Variants in SP140 observed in about 807,000 individuals in gnomAD.
The protein encoded by SP140 is SP140 nuclear body protein, also known as nuclear body protein SP140.
SP140 carries 81 observed loss-of-function variants against 125.0 expected under a neutral mutation model. The ratio of observed to expected loss-of-function variants is 0.65; its 90% CI spans 0.54 to 0.78. SP140 has a LOEUF of 0.78. Among genes scored for constraint, SP140 ranks in the 30% least tolerant of loss-of-function variants. The probability of loss-of-function intolerance (pLI) is 0.00; values close to 1 mark genes in which losing one functional copy is unlikely to be tolerated. For missense variants in SP140, 858 were observed against 1,037.0 expected (o/e 0.83, Z 2.37); for synonymous variants, 312 against 354.0 (o/e 0.88, Z 1.33).
In SP140 at chr2:230,248,938, G is replaced by C. The variant is rs2049931365; in HGVS notation, c.946G>C (p.Gly316Arg). 1.9e-6 allele frequency: 3 copies of C among 1,612,164 alleles called. No homozygotes were observed. The highest frequency in any genetic ancestry group is 2.7e-5 in the African/African-American group (2 of 74,802). ...QVTNEGEPEKGLCLLPGEGEE... is the reference protein window; with the variant it reads ...QVTNEGEPEKRLCLLPGEGEE... ...CACTAATGAAGGAGAACCAGAGAAG[G>C]GGCTCTGTCTACTACCAGGTGAAGG... is the stretch of plus-strand genomic sequence containing the variant. The change falls in exon 9 of 27, where the codon GGG (glycine) becomes CGG (arginine). Residue 316 changes from glycine (G) to arginine (R), a missense_variant. Transcript: ENST00000392045.
upstream of SP140, among the ~76,000 whole-genome samples, chr2:230,224,296 GAAGA>G (rs1408191718): frequency 1.3e-5 from 2 of 152,214 alleles, no homozygotes; most frequent in African/African-American, 4.8e-5. Flanking sequence ...AGGGCAGAGA[GAAGA>G]GAGAGAGGGG....
intron 1 of SP140, among the ~76,000 whole-genome samples, chr2:230,226,934 T>G (rs959614432): frequency 6.6e-6 from 1 of 152,180 alleles, no homozygotes; most frequent in South Asian, 2.1e-4. Context: ...GTATAACTAT[T>G]TGTATAGCAT....
At chr2:230,307,190 A>C (rs965350470) in intron 22 of SP140, among the ~76,000 whole-genome samples, 2 of 152,176 alleles carry the variant, frequency 1.3e-5, no homozygotes, top group Admixed American at 6.5e-5. Flanking sequence ...GTCAGGACAC[A>C]TTGGCTGCAG....
chr2:230,214,263 G>T, intron 3 of SP140: 1 of 152,098 alleles, frequency 6.6e-6, no homozygotes, highest in Non-Finnish European at 1.5e-5. Context: ...CTCTCTTTCT[G>T]TGGCTATGTT....
chr2:230,294,125 C>G, intron 20 of SP140, 146 bp from the exon 21 acceptor site: 1 of 652,714 alleles, frequency 1.5e-6, no homozygotes, highest in East Asian at 2.7e-5. Flanking sequence ...CAGGTGAAGA[C>G]AGGGAGATGG....
At chr2:230,279,433 T>G (rs189021354) in intron 15 of SP140, among the ~76,000 whole-genome samples, 2 of 151,760 alleles carry the variant, frequency 1.3e-5, no homozygotes, top group Admixed American at 1.3e-4. Context: ...AAAGCAAGAG[T>G]AATCAAAACC....
chr2:230,244,281 T>C (rs374885713), intron 5 of SP140, among the ~76,000 whole-genome samples: 18 of 152,242 alleles, frequency 1.2e-4, no homozygotes, highest in African/African-American at 3.4e-4. Flanking sequence ...TGAATTTTGA[T>C]GGATAAACTT....
intron 12 of SP140, among the ~76,000 whole-genome samples, chr2:230,268,032 T>A (rs2053386851): frequency 6.6e-6 from 1 of 152,170 alleles, no homozygotes; most frequent in South Asian, 2.1e-4. Flanking sequence ...TTGCTTTGGA[T>A]CACTGTCTTC....
At chr2:230,288,931 C>CGT (rs1364941007) in intron 18 of SP140, among the ~76,000 whole-genome samples, 1 of 152,112 alleles carries the variant, frequency 6.6e-6, no homozygotes, top group South Asian at 2.1e-4. Flanking sequence ...AATAAACACA[C>CGT]GTGTGTGTGT....
At chr2:230,277,314 G>A (rs888538638) in intron 15 of SP140, among the ~76,000 whole-genome samples, 4 of 152,248 alleles carry the variant, frequency 2.6e-5, no homozygotes, top group Admixed American at 2.6e-4. Context: ...CCAGCAAAGA[G>A]ATTATGACTT....
chr2:230,269,538 G>T lies in SP140; in HGVS notation c.1247G>T (p.Ser416Ile). ...SSLARRGSVS[S>I]ELENHPMNEE... ...TTTTCTTGTTTCTCATTAGTGTCTA[G>T]TGAACTAGAAAATCACCCAATGAAT... The change falls in exon 13 of 27, where the codon AGT becomes ATT. Residue 416 changes from serine (S) to isoleucine (I), a missense_variant. Ser to Ile is a moderately radical substitution (Grantham distance 142, BLOSUM62 -2). Around this residue, in one of 4 missense-constraint regions of SP140, gnomAD observed 791 missense variants for 869.5 expected, o/e 0.91. Transcript: ENST00000392045. 1 of 1,600,372 alleles carries T rather than the reference G, an allele frequency of 6.2e-7. No individual in the cohort carries two copies. Among genetic ancestry groups the T allele is most frequent in the Non-Finnish European group, 8.6e-7 (1 of 1,167,822 alleles).
chr2:230,307,996 C>A (rs796278122), intron 22 of SP140, among the ~76,000 whole-genome samples: 4 of 91,156 alleles, frequency 4.4e-5, no homozygotes, highest in Non-Finnish European at 7.7e-5. Context: ...TATATACACA[C>A]ACACACACAC....
intron 1 of SP140, among the ~76,000 whole-genome samples, chr2:230,235,638 T>C (rs1023852296): frequency 2.0e-5 from 3 of 152,162 alleles, no homozygotes; most frequent in African/African-American, 4.8e-5. Flanking sequence ...GAAGTCTTCA[T>C]ACCGTTTAGA....
intron 17 of SP140, among the ~76,000 whole-genome samples, chr2:230,286,523 A>T (rs1365481268): frequency 6.6e-6 from 1 of 152,170 alleles, no homozygotes; most frequent in African/African-American, 2.4e-5. Context: ...GTGAAATGAC[A>T]TTGCAAGTGG....
intron 12 of SP140, among the ~76,000 whole-genome samples, chr2:230,258,255 A>G (rs2051581761): frequency 1.3e-5 from 2 of 152,102 alleles, no homozygotes; most frequent in Admixed American, 6.5e-5. Flanking sequence ...CCTGGAAACA[A>G]AATCCTAGGA....
At chr2:230,208,179 C>T in intron 1 of SP140, 1 of 667,338 alleles carries the variant, frequency 1.5e-6, no homozygotes, top group East Asian at 2.7e-5. Context: ...CATTGGTGAC[C>T]TTAGGTGATG....
chr2:230,220,633 G>A (rs1033583672), intron 3 of SP140, among the ~76,000 whole-genome samples: 10 of 152,140 alleles, frequency 6.6e-5, no homozygotes, highest in African/African-American at 2.4e-4. Context: ...AGTAACTCAA[G>A]GGCTGGCAGG....
chr2:230,227,639 C>G (rs1173897537), intron 1 of SP140, among the ~76,000 whole-genome samples: 1 of 152,176 alleles, frequency 6.6e-6, no homozygotes, highest in Admixed American at 6.5e-5. Context: ...CAACCTATCT[C>G]TTGTGCAAGT....
At chr2:230,310,071 C>T (rs1489015555) in intron 23 of SP140, 32 bp downstream of exon 23, 1 of 1,604,206 alleles carries the variant, frequency 6.2e-7, no homozygotes, top group African/African-American at 1.3e-5. Context: ...CTCTTTTTGT[C>T]CTTTAAGGGA....
Sources: allele counts gnomAD v4.1 joint callset (sites outside exome capture counted in the v4.1 genomes callset), GRCh38; gene constraint gnomAD v4.1.1; regional missense constraint gnomAD v4.1.1; transcripts MANE v1.5; gene names NCBI Gene and HGNC (gene_info 2026-07-23, HGNC 2026-07-21).